TICRR: variants seen among roughly 807,000 people sequenced by gnomAD.
The protein encoded by TICRR is treslin.
TICRR carries 132 observed loss-of-function variants against 178.1 expected under a neutral mutation model. The observed-to-expected ratio is 0.74, with a 90% CI of 0.64 to 0.86. The LOEUF (loss-of-function observed/expected upper bound fraction) is 0.86. TICRR is among the 40% of genes least tolerant of loss of function. The pLI is 0.00. For missense variants in TICRR, 2,587 were observed against 2,334.3 expected (o/e 1.11, Z -2.23); for synonymous variants, 991 against 900.7 (o/e 1.10, Z -1.79).
At chr15:89,588,687 G>A (rs570395536) in intron 4 of TICRR, among the ~76,000 whole-genome samples, 24 of 152,224 alleles carry the variant, frequency 1.6e-4, no homozygotes, top group African/African-American at 4.8e-4. Flanking sequence ...GGGCACCAGA[G>A]GTGAGGAATT....
chr15:89,584,990 A>G (rs1962795679), intron 3 of TICRR, among the ~76,000 whole-genome samples: 1 of 152,270 alleles, frequency 6.6e-6, no homozygotes. Context: ...ACACAAATGT[A>G]GAAATGTCTT....
In TICRR at chr15:89,623,969, C is replaced by T. The variant is rs745474783; in HGVS notation, c.3659C>T (p.Pro1220Leu). ...TGGCCACATTCAGTGAATTCCAGTCCAGAAAGCCCCTCCTGTCCAGCCCCT... is the reference window on the plus strand; with the variant it reads ...TGGCCACATTCAGTGAATTCCAGTCTAGAAAGCCCCTCCTGTCCAGCCCCT... ...CTWPHSVNSS[P>L]ESPSCPAPPT... Residue 1220 changes from proline to leucine, a missense_variant, in exon 20 of 22, where the codon CCA (proline) becomes CTA (leucine). Physicochemically the swap from Pro to Leu is moderately conservative, Grantham distance 98. Coordinates refer to ENST00000268138, the MANE Select transcript of TICRR (RefSeq NM_152259.4). 2 of 1,613,978 alleles carry T rather than the reference C, an allele frequency of 1.2e-6. No individual in the cohort carries two copies. Among genetic ancestry groups the T allele is most frequent in the Admixed American group, 3.3e-5 (2 of 60,016 alleles).
At chr15:89,594,629 G>C in intron 6 of TICRR, 75 bp downstream of exon 6, 2 of 1,329,464 alleles carry the variant, frequency 1.5e-6, no homozygotes, top group East Asian at 5.0e-5. Flanking sequence ...GGCATTTCCT[G>C]AAATGAGGTT....
chr15:89,622,609 C>G (rs1308733909), intron 19 of TICRR, among the ~76,000 whole-genome samples: 3 of 132,306 alleles, frequency 2.3e-5, no homozygotes, highest in South Asian at 4.8e-4. Flanking sequence ...GGAGAAGGGT[C>G]TGAAAACCAT....
chr15:89,594,396 A>G lies in TICRR; in HGVS notation c.1542-19A>G, dbSNP rs548220863. 3.1e-6 allele frequency: 5 copies of G among 1,587,900 alleles called. No homozygotes were observed. The highest frequency in any genetic ancestry group is 2.3e-5 in the South Asian group (2 of 86,900). ...AAAATTAGAATGTTGGTTTTATTCT[A>G]GACATCTTGACTTCACAGGTTACTA... On this transcript the variant is annotated intron_variant, in intron 5 of 21. Coordinates refer to ENST00000268138, the MANE Select transcript of TICRR (RefSeq NM_152259.4).
intron 15 of TICRR, among the ~76,000 whole-genome samples, chr15:89,615,089 A>G (rs1040809772): frequency 5.9e-5 from 9 of 152,102 alleles, no homozygotes; most frequent in Admixed American, 1.3e-4. Flanking sequence ...TCATTCCCCA[A>G]TTTTCCCAAT....
chr15:89,622,456 A>G (rs910005645), intron 19 of TICRR, among the ~76,000 whole-genome samples: 3 of 152,140 alleles, frequency 2.0e-5, no homozygotes, highest in African/African-American at 7.2e-5. Context: ...TAAAATGTTC[A>G]CTTTGCTTAA....
At chr15:89,596,853 T>A (rs1963006257) in intron 7 of TICRR, among the ~76,000 whole-genome samples, 1 of 152,220 alleles carries the variant, frequency 6.6e-6, no homozygotes, top group Non-Finnish European at 1.5e-5. Context: ...CTAAAGTCTG[T>A]ACATTTTCTC....
chr15:89,596,224 AAAATTAGACCTTACTTTT>A (rs1962996361), intron 7 of TICRR, among the ~76,000 whole-genome samples: 1 of 152,214 alleles, frequency 6.6e-6, no homozygotes, highest in Non-Finnish European at 1.5e-5. Context: ...TTATGGAAAC[AAAATTAGACCTTACTTTT>A]AATAGTATTT....
At chr15:89,597,769 G>T (rs1458926470) in intron 7 of TICRR, among the ~76,000 whole-genome samples, 1 of 152,146 alleles carries the variant, frequency 6.6e-6, no homozygotes, top group Non-Finnish European at 1.5e-5. Context: ...TTGTCAATAT[G>T]CAGAAAATAA....
In TICRR at chr15:89,575,476, C is replaced by T; in HGVS notation, c.-111C>T. 1.8e-6 allele frequency: 2 copies of T among 1,127,660 alleles called. No individual in the cohort carries two copies. Among genetic ancestry groups the T allele is most frequent in the Non-Finnish European group, 2.4e-6 (2 of 838,104 alleles). The allele number at this position is 1,127,660 out of a possible 1,614,324, so 69.9% of individuals were successfully genotyped here. On this transcript the variant is annotated 5_prime_UTR_variant, in exon 1 of 22. Coordinates refer to ENST00000268138, the MANE Select transcript of TICRR (RefSeq NM_152259.4). The stretch of plus-strand genomic sequence containing the variant: ...GTTCCTGGAGAGCGCGGGAGCCTTT[C>T]GACCAGGGTCCCAAAGGAAAGCAGT...
chr15:89,604,133 C>T (rs1963139259), intron 13 of TICRR, among the ~76,000 whole-genome samples: 1 of 152,154 alleles, frequency 6.6e-6, no homozygotes, highest in South Asian at 2.1e-4. Context: ...AACTTTTCAA[C>T]TGCATGAACT....
rs78511117 is a variant in TICRR, at chr15:89,590,056, A to G, written c.1412-1991A>G. On this transcript the variant is annotated intron_variant, in intron 4 of 21. Transcript: ENST00000268138. ...TAAATATACCTTGTCCTTTAAAAGAAAGGTGAAGATGGCATGATGGAAGGG... is the reference window on the plus strand; with the variant it reads ...TAAATATACCTTGTCCTTTAAAAGAGAGGTGAAGATGGCATGATGGAAGGG... Among the ~76,000 whole-genome samples, 1,488 of 152,332 alleles carry G rather than the reference A, an allele frequency of 9.8e-3. 30 individuals are homozygous for G. Among genetic ancestry groups the G allele is most frequent in the African/African-American group, 0.034 (1,432 of 41,566 alleles).
At position 89,595,434 on chromosome 15, in the gene TICRR, A is replaced by G. The variant is rs1030702542; in HGVS notation, c.1723A>G (p.Met575Val). The change falls in exon 7 of 22, where the codon ATG becomes GTG. Residue 575 changes from methionine to valine, a missense_variant. Met to Val is a conservative substitution (Grantham distance 21, BLOSUM62 1). Coordinates refer to ENST00000268138, the MANE Select transcript of TICRR (RefSeq NM_152259.4). Reference sequence around the variant, plus strand: ...TCCAGTGAGACAGAAGATGAATACCATGTGCCGTTCCTTAAAGATGTTGAA... The same window carrying G: ...TCCAGTGAGACAGAAGATGAATACCGTGTGCCGTTCCTTAAAGATGTTGAA... ...RTPVRQKMNT[M>V]CRSLKMLNVA... 1.2e-6 allele frequency: 2 copies of G among 1,614,086 alleles called. No homozygotes were observed. Among genetic ancestry groups the G allele is most frequent in the Non-Finnish European group, 1.7e-6 (2 of 1,180,006 alleles).
rs902222919 is a variant in TICRR at position 89,627,210 on chromosome 15, C to T, written c.*124C>T. 4.5e-5 allele frequency: 55 copies of T among 1,213,938 alleles called. No homozygotes were observed. Among genetic ancestry groups the T allele is most frequent in the Non-Finnish European group, 6.1e-5 (53 of 866,376 alleles). The allele number at this position is 1,213,938 out of a possible 1,614,324, so 75.2% of individuals were successfully genotyped here. ...CAGTGTTCAGATTGCCATTAGAATGCCTTAGGGTTTTCTAATTCCCCTTAT... is the reference window on the plus strand; with the variant it reads ...CAGTGTTCAGATTGCCATTAGAATGTCTTAGGGTTTTCTAATTCCCCTTAT... On this transcript the variant is annotated 3_prime_UTR_variant, in exon 22 of 22. Coordinates refer to ENST00000268138, the MANE Select transcript of TICRR (RefSeq NM_152259.4).
At position 89,585,910 on chromosome 15, in the gene TICRR, C is replaced by T; in HGVS notation, c.1379C>T (p.Thr460Ile). The T allele has an allele frequency of 3.1e-6, 5 of 1,614,018 alleles. No homozygotes were observed. The highest frequency in any genetic ancestry group is 2.2e-5 in the South Asian group (2 of 91,078). The change falls in exon 4 of 22, where the codon ACT (threonine) becomes ATT (isoleucine). Residue 460 changes from threonine to isoleucine, a missense_variant. Coordinates refer to ENST00000268138, the MANE Select transcript of TICRR (RefSeq NM_152259.4). ...SDVVDSILNQ[T>I]HDSLADTASA... ...GTTGTGGATAGTATATTGAATCAGA[C>T]TCATGATTCGCTTGCAGATACTGCT...
chr15:89,600,681 A>G lies in TICRR; in HGVS notation c.2149A>G (p.Arg717Gly). ...AAAACTGGATAAGGAAGACAAAGTT[A>G]GAGAGTAAGTAACTACCATTTTTTA... The part of the protein sequence containing the change: ...GKKLDKEDKV[R>G]ECQLQVFLRL... Residue 717 changes from arginine (R) to glycine (G), a missense_variant, in exon 9 of 22, where the codon AGA becomes GGA. Transcript: ENST00000268138. 6.7e-7 allele frequency: 1 copy of G among 1,502,506 alleles called. No homozygotes were observed. Among genetic ancestry groups the G allele is most frequent in the Non-Finnish European group, 9.2e-7 (1 of 1,089,402 alleles). 93.1% of individuals were successfully genotyped at this position (1,502,506 alleles called of 1,614,324 possible). A position where few individuals can be genotyped will look rare whatever the true frequency, so the allele number is the denominator to read the frequency against.
In TICRR at chr15:89,594,831, C is replaced by A. The variant is rs182703798; in HGVS notation, c.1681+277C>A. 5.7e-3 allele frequency among the ~76,000 whole-genome samples: 861 copies of A among 152,074 alleles called. 6 individuals are homozygous for A. Among genetic ancestry groups the A allele is most frequent in the Non-Finnish European group, 8.2e-3 (560 of 67,988 alleles). ...CTTATTAGTATTTTTTCTTTTGCTACCTTGCCTTTTTAGATATTATTCCAT... is the reference window on the plus strand; with the variant it reads ...CTTATTAGTATTTTTTCTTTTGCTAACTTGCCTTTTTAGATATTATTCCAT... On this transcript the variant is annotated intron_variant, in intron 6 of 21. Coordinates refer to ENST00000268138, the MANE Select transcript of TICRR (RefSeq NM_152259.4).
At chr15:89,620,302 A>G (rs1963403786) in intron 18 of TICRR, among the ~76,000 whole-genome samples, 1 of 151,978 alleles carries the variant, frequency 6.6e-6, no homozygotes, top group Non-Finnish European at 1.5e-5. Context: ...TCAACCTCCC[A>G]GGCTCAGGTG....
Sources: gnomAD v4.1 joint callset for allele counts (sites outside exome capture counted in the v4.1 genomes callset) on GRCh38, gnomAD v4.1.1 for gene constraint, MANE v1.5 for transcripts, NCBI Gene and HGNC (gene_info 2026-07-23, HGNC 2026-07-21) for gene names.